The following CACHD1 variants were observed in gnomAD, a reference collection of about 807,000 sequenced individuals.
CACHD1 encodes the protein cache domain containing 1.
CACHD1 carries 71 observed loss-of-function variants against 138.7 expected under a neutral mutation model. That is an observed-to-expected ratio of 0.51 (90% CI 0.42 to 0.62). The LOEUF (loss-of-function observed/expected upper bound fraction) is 0.62. Ranked by LOEUF, CACHD1 falls within the 20% of genes least tolerant of loss-of-function variation. CACHD1 has a pLI of 0.00. For synonymous variants in CACHD1, 578 were observed against 591.5 expected (o/e 0.98, Z 0.33); for missense variants, 1,389 against 1,625.3 (o/e 0.85, Z 2.50).
rs527683879 is a variant in CACHD1, at chr1:64,582,451, T to G, written c.410+147T>G. On this transcript the variant is annotated intron_variant, in intron 3 of 26. Transcript: ENST00000651257. Reference sequence around the variant, plus strand: ...TTAAGATAAGCCCTTTATCTTTAGATAAGTGATTTTTAAAGAAAATGTGAT... The same window carrying G: ...TTAAGATAAGCCCTTTATCTTTAGAGAAGTGATTTTTAAAGAAAATGTGAT... 513 of 703,126 alleles carry G rather than the reference T, an allele frequency of 7.3e-4. 1 individual carries two copies. The highest frequency in any genetic ancestry group is 3.8e-3 in the Middle Eastern group (11 of 2,880). The allele number at this position is 703,126 out of a possible 1,614,324, so 43.6% of individuals were successfully genotyped here. A position where few individuals can be genotyped will look rare whatever the true frequency, so the allele number is the denominator to read the frequency against.
At chr1:64,494,154 T>C (rs894612159) in intron 1 of CACHD1, among the ~76,000 whole-genome samples, 2 of 152,194 alleles carry the variant, frequency 1.3e-5, no homozygotes, top group African/African-American at 4.8e-5. Context: ...GCATTTGCAA[T>C]GAGGGCCCCA....
intron 3 of CACHD1, among the ~76,000 whole-genome samples, chr1:64,592,556 G>T (rs1329619433): frequency 1.3e-5 from 2 of 152,170 alleles, no homozygotes; most frequent in Non-Finnish European, 2.9e-5. Context: ...AGATCTAGGG[G>T]AAAAATGCTT....
chr1:64,566,881 A>G (rs976864498), intron 2 of CACHD1, among the ~76,000 whole-genome samples: 1 of 152,128 alleles, frequency 6.6e-6, no homozygotes, highest in African/African-American at 2.4e-5. Context: ...ATTCACATAT[A>G]TGTTAGAGCT....
intron 7 of CACHD1, among the ~76,000 whole-genome samples, chr1:64,637,304 G>T (rs954805945): frequency 1.3e-5 from 2 of 152,248 alleles, no homozygotes; most frequent in Non-Finnish European, 2.9e-5. Flanking sequence ...TAATGAGGAT[G>T]AGTTGGAGAA....
chr1:64,490,505 C>T (rs775824357), intron 1 of CACHD1, among the ~76,000 whole-genome samples: 20 of 152,342 alleles, frequency 1.3e-4, no homozygotes, highest in Middle Eastern at 6.8e-3. Context: ...TAACAAGCCT[C>T]ACTTTAAACT....
intron 24 of CACHD1, among the ~76,000 whole-genome samples, chr1:64,680,496 A>T (rs960428217): frequency 8.5e-5 from 13 of 152,166 alleles, no homozygotes; most frequent in African/African-American, 3.1e-4. Context: ...TGAAAAAAAA[A>T]AAAGTCATCG....
intron 1 of CACHD1, among the ~76,000 whole-genome samples, chr1:64,474,289 C>T (rs1037521331): frequency 3.9e-5 from 6 of 152,248 alleles, no homozygotes; most frequent in Admixed American, 6.5e-5. Flanking sequence ...TCCAGGGAGA[C>T]GGGTTTTTGC....
intron 1 of CACHD1, among the ~76,000 whole-genome samples, chr1:64,477,704 G>A (rs1646183876): frequency 6.7e-6 from 1 of 149,870 alleles, no homozygotes; most frequent in South Asian, 2.1e-4. Flanking sequence ...GCACAATTTC[G>A]GCTCACTGCA....
In CACHD1 at chr1:64,678,158, G is replaced by A; in HGVS notation, c.3093-1G>A. On this transcript the variant is annotated splice_acceptor_variant, in intron 22 of 26. Coordinates refer to ENST00000651257, the MANE Select transcript of CACHD1 (RefSeq NM_020925.4). LOFTEE classifies it high-confidence loss of function. Reference sequence around the variant, plus strand: ...AAGACTAAGTATTGTTTTTCTGGCAGGGACTGTTTTGGGGTGCTGGATTGT... The same window carrying A: ...AAGACTAAGTATTGTTTTTCTGGCAAGGACTGTTTTGGGGTGCTGGATTGT... The A allele has an allele frequency of 1.2e-6, 2 of 1,609,532 alleles. No homozygotes were observed. The highest frequency in any genetic ancestry group is 1.7e-5 in the Admixed American group (1 of 59,216).
Position 64,470,479 on chromosome 1 carries a change from C to G in CACHD1, c.-266C>G, listed in dbSNP as rs548175753. Among the ~76,000 whole-genome samples the G allele has an allele frequency of 1.8e-3, 270 of 151,460 alleles. 2 individuals carry two copies. Among genetic ancestry groups the G allele is most frequent in the South Asian group, 4.6e-3 (22 of 4,818 alleles). On this transcript the variant is annotated 5_prime_UTR_variant, in exon 1 of 27. Transcript: ENST00000651257. This position sits in a 1 kb window ranked among gnomAD's most constrained non-coding sequence, Gnocchi z 5.2. ...GGAGACGCCCTCTGCGCCGCGGGGCCCGTGTGGGCGCCGGGCTCCGGGGAC... is the reference window on the plus strand; with the variant it reads ...GGAGACGCCCTCTGCGCCGCGGGGCGCGTGTGGGCGCCGGGCTCCGGGGAC...
chr1:64,640,548 G>A (rs56287838), intron 7 of CACHD1, among the ~76,000 whole-genome samples: 11,701 of 151,904 alleles, frequency 0.077, 492 homozygotes, highest in Non-Finnish European at 0.083. Flanking sequence ...ATAATGGCAC[G>A]TGCCTGTAGT....
intron 7 of CACHD1, among the ~76,000 whole-genome samples, chr1:64,635,512 T>C (rs1208990735): frequency 6.6e-6 from 1 of 150,388 alleles, no homozygotes; most frequent in Non-Finnish European, 1.5e-5. Flanking sequence ...GCCTCCTGAG[T>C]AGCTGGGATT....
intron 4 of CACHD1, among the ~76,000 whole-genome samples, chr1:64,612,285 A>G (rs1242968849): frequency 6.6e-6 from 1 of 152,222 alleles, no homozygotes; most frequent in Non-Finnish European, 1.5e-5. Flanking sequence ...GTTTTTTTAT[A>G]GGATTCCATA....
At position 64,648,054 on chromosome 1, in the gene CACHD1, A is replaced by AT; in HGVS notation, c.1390+24dup. 1 of 1,572,814 alleles carries AT rather than the reference A, an allele frequency of 6.4e-7. No homozygotes were observed. Among genetic ancestry groups the AT allele is most frequent in the East Asian group, 2.3e-5 (1 of 44,118 alleles). ...GAGATGGTGAGTTTGGATAAACGTC[A>AT]TTTTAAAGGAAGGGGAAAAGAACTG... On this transcript the variant is annotated intron_variant, in intron 9 of 26. Coordinates refer to ENST00000651257, the MANE Select transcript of CACHD1 (RefSeq NM_020925.4).
chr1:64,596,235 TTA>T (rs1407602461), intron 3 of CACHD1, among the ~76,000 whole-genome samples: 2 of 152,256 alleles, frequency 1.3e-5, no homozygotes, highest in Non-Finnish European at 2.9e-5. Context: ...TGTTTGATTT[TTA>T]TCTTAGCTCT....
At chr1:64,670,779 G>A (rs1427071510) in intron 16 of CACHD1, among the ~76,000 whole-genome samples, 1 of 152,170 alleles carries the variant, frequency 6.6e-6, no homozygotes, top group Admixed American at 6.5e-5. Flanking sequence ...GCCTTATAAA[G>A]TAGGTACTAT....
At chr1:64,636,892 C>T (rs142543065) in intron 7 of CACHD1, among the ~76,000 whole-genome samples, 35 of 152,144 alleles carry the variant, frequency 2.3e-4, no homozygotes, top group East Asian at 7.7e-4. Context: ...GGTTATGTCC[C>T]GTATACAGGA....
At chr1:64,535,349 G>A (rs1404822731) in intron 1 of CACHD1, among the ~76,000 whole-genome samples, 2 of 140,304 alleles carry the variant, frequency 1.4e-5, no homozygotes, top group African/African-American at 5.7e-5. Context: ...TTTTGAGATA[G>A]AGTTTTGCTC....
At chr1:64,480,694 A>G (rs970469961) in intron 1 of CACHD1, among the ~76,000 whole-genome samples, 1 of 151,748 alleles carries the variant, frequency 6.6e-6, no homozygotes, top group Non-Finnish European at 1.5e-5. Context: ...TTTTTTACTG[A>G]AAAGGTAAGT....
Sources: allele counts gnomAD v4.1 joint callset (sites outside exome capture counted in the v4.1 genomes callset), GRCh38; gene constraint gnomAD v4.1.1; non-coding constraint Gnocchi (gnomAD v3.1); transcripts MANE v1.5; gene names NCBI Gene and HGNC (gene_info 2026-07-23, HGNC 2026-07-21).